The following STXBP4 variants were observed in gnomAD, a reference collection of about 807,000 sequenced individuals.
STXBP4 encodes the protein syntaxin binding protein 4, also known as syntaxin-binding protein 4.
In STXBP4, 55 loss-of-function variants were observed where a neutral mutation model predicts 76.1. The observed-to-expected ratio is 0.72, with a 90% confidence interval of 0.58 to 0.91. STXBP4 has a LOEUF of 0.91. Among genes scored for constraint, STXBP4 ranks in the 40% least tolerant of loss-of-function variants. The pLI, the probability that STXBP4 is intolerant of heterozygous loss-of-function variation, is 0.00. For missense variants in STXBP4, 618 were observed against 636.9 expected (o/e 0.97, Z 0.32); for synonymous variants, 201 against 220.2 (o/e 0.91, Z 0.77).
At chr17:55,199,809 G>A in the STXBP4 span, among the ~76,000 whole-genome samples, 1 of 152,100 alleles carries the variant, frequency 6.6e-6, no homozygotes, top group Non-Finnish European at 1.5e-5. Context: ...ACCAAGGCCC[G>A]GCATGATCTA....
At chr17:55,191,879 C>A in the STXBP4 span, among the ~76,000 whole-genome samples, 5 of 152,126 alleles carry the variant, frequency 3.3e-5, no homozygotes, top group Admixed American at 6.6e-5. Context: ...AATCCCAGGC[C>A]CCCTGTATTT....
At chr17:55,107,085 G>A (rs2079644401) in intron 16 of STXBP4, among the ~76,000 whole-genome samples, 1 of 152,094 alleles carries the variant, frequency 6.6e-6, no homozygotes, top group Non-Finnish European at 1.5e-5. Flanking sequence ...TCAAACATAG[G>A]TTTGGTCTTT....
intron 4 of STXBP4, among the ~76,000 whole-genome samples, chr17:54,992,054 A>G (rs552630255): frequency 6.6e-6 from 1 of 152,166 alleles, no homozygotes; most frequent in Admixed American, 6.5e-5. Flanking sequence ...AAATAGTTGT[A>G]GTACTTTCAA....
chr17:55,154,588 A>G (rs2080256185), intron 17 of STXBP4, among the ~76,000 whole-genome samples: 1 of 152,164 alleles, frequency 6.6e-6, no homozygotes, highest in South Asian at 2.1e-4. Context: ...AGAGTTACCC[A>G]GGGCTGTACT....
At chr17:55,176,367 G>A (rs1183051688), downstream of STXBP4, among the ~76,000 whole-genome samples, 1 of 152,204 alleles carries the variant, frequency 6.6e-6, no homozygotes, top group East Asian at 1.9e-4. Context: ...GAAGAGGAAA[G>A]GTGAGAGAGC....
At chr17:55,109,454 C>A (rs2145049895) in intron 16 of STXBP4, among the ~76,000 whole-genome samples, 1 of 152,038 alleles carries the variant, frequency 6.6e-6, no homozygotes, top group Middle Eastern at 3.4e-3. Flanking sequence ...CAGATACACA[C>A]CCTGACTTCA....
chr17:55,073,763 C>T lies in STXBP4; in HGVS notation c.1188+687C>T, dbSNP rs529853108. Among the ~76,000 whole-genome samples the T allele has an allele frequency of 1.6e-4, 24 of 152,054 alleles. No individual in the cohort carries two copies. In the South Asian group the frequency reaches 3.5e-3, roughly 22 times the overall value. On this transcript the variant is annotated intron_variant, in intron 13 of 17. Coordinates refer to ENST00000376352, the MANE Select transcript of STXBP4 (RefSeq NM_178509.6). ...CCTGCCTCAGCCTCCCAAGTAGCTG[C>T]GGTTACAGACACCTGCCACCACACC... is the stretch of plus-strand genomic sequence containing the variant.
chr17:55,090,889 GTGTGTT>G (rs2079405384), intron 16 of STXBP4, among the ~76,000 whole-genome samples: 1 of 113,286 alleles, frequency 8.8e-6, no homozygotes, highest in African/African-American at 3.3e-5. Flanking sequence ...GTGTGTGTGT[GTGTGTT>G]TAGATAAAAA....
the STXBP4 span, among the ~76,000 whole-genome samples, chr17:55,189,500 A>G: frequency 6.6e-6 from 1 of 152,320 alleles, no homozygotes; most frequent in Admixed American, 6.5e-5. Flanking sequence ...CTTTCCATCA[A>G]CAAGCATCTA....
chr17:55,095,504 C>A (rs1443516088), intron 16 of STXBP4, among the ~76,000 whole-genome samples: 1 of 152,118 alleles, frequency 6.6e-6, no homozygotes, highest in East Asian at 1.9e-4. Context: ...TCAGAAAAGG[C>A]AGCAGTACTA....
chr17:55,014,721 G>C (rs1291801520), intron 8 of STXBP4, among the ~76,000 whole-genome samples: 1 of 152,156 alleles, frequency 6.6e-6, no homozygotes, highest in Non-Finnish European at 1.5e-5. Flanking sequence ...GGGGCAATTG[G>C]CCTTCCAGTG....
chr17:55,120,642 C>G (rs1312187882), intron 16 of STXBP4, among the ~76,000 whole-genome samples: 1 of 152,170 alleles, frequency 6.6e-6, no homozygotes, highest in Non-Finnish European at 1.5e-5. Flanking sequence ...TGTAGACATA[C>G]TGGGTAAAAA....
intron 16 of STXBP4, among the ~76,000 whole-genome samples, chr17:55,094,551 G>A (rs531699963): frequency 5.3e-5 from 8 of 152,132 alleles, no homozygotes; most frequent in African/African-American, 1.7e-4. Flanking sequence ...TTTTTGGAAC[G>A]CCTGAAATTC....
chr17:55,209,567 G>A, the STXBP4 span, among the ~76,000 whole-genome samples: 1 of 152,186 alleles, frequency 6.6e-6, no homozygotes, highest in Non-Finnish European at 1.5e-5. Context: ...AGAATAAGGT[G>A]GAAATTCAAA....
intron 13 of STXBP4, among the ~76,000 whole-genome samples, chr17:55,074,046 G>T (rs115604832): frequency 1.1e-3 from 165 of 152,128 alleles, no homozygotes; most frequent in Middle Eastern, 6.8e-3. Flanking sequence ...GTAGAAAATC[G>T]AGTAAATTGA....
chr17:55,210,930 G>A, the STXBP4 span, among the ~76,000 whole-genome samples: 5 of 152,168 alleles, frequency 3.3e-5, no homozygotes, highest in African/African-American at 1.2e-4. Flanking sequence ...TTCGTTGTTT[G>A]TAAAGATTAT....
chr17:54,977,360 G>A (rs2077487596), intron 1 of STXBP4, among the ~76,000 whole-genome samples: 1 of 152,136 alleles, frequency 6.6e-6, no homozygotes. Context: ...TGTCTTTACT[G>A]AACATGTACA....
At chr17:55,079,577 C>T (rs2079230876) in intron 15 of STXBP4, among the ~76,000 whole-genome samples, 1 of 135,326 alleles carries the variant, frequency 7.4e-6, no homozygotes, top group South Asian at 2.5e-4. Flanking sequence ...CATAGTGGCA[C>T]ACAGTGGGAC....
intron 12 of STXBP4, among the ~76,000 whole-genome samples, chr17:55,060,230 G>C (rs1370986501): frequency 6.6e-6 from 1 of 152,014 alleles, no homozygotes; most frequent in Non-Finnish European, 1.5e-5. Context: ...TATGTACATA[G>C]AATGATATTA....
Sources: allele counts gnomAD v4.1 joint callset (sites outside exome capture counted in the v4.1 genomes callset), GRCh38; gene constraint gnomAD v4.1.1; transcripts MANE v1.5; gene names NCBI Gene and HGNC (gene_info 2026-07-23, HGNC 2026-07-21).